The following PLCB1 variants were observed in gnomAD, a reference collection of about 807,000 sequenced individuals.
PLCB1 encodes the protein 1-phosphatidylinositol 4,5-bisphosphate phosphodiesterase beta-1.
Under a neutral mutation model 161.8 loss-of-function variants are expected in PLCB1, and 46 were observed. That is an observed-to-expected ratio of 0.28 (90% confidence interval 0.22 to 0.36). PLCB1 has a LOEUF of 0.36. Ranked by LOEUF, PLCB1 falls within the 10% of genes least tolerant of loss-of-function variation. The probability of loss-of-function intolerance (pLI) is 1.00; values close to 1 mark genes in which losing one functional copy is unlikely to be tolerated. For missense variants in PLCB1, 1,016 were observed against 1,472.5 expected (o/e 0.69, Z 5.07); for synonymous variants, 517 against 503.7 (o/e 1.03, Z -0.35).
At chr20:8,368,423 G>A (rs1986787965) in intron 2 of PLCB1, among the ~76,000 whole-genome samples, 1 of 150,934 alleles carries the variant, frequency 6.6e-6, no homozygotes, top group South Asian at 2.1e-4. Context: ...AGCTACTCGA[G>A]GGCTGAGGCA....
At chr20:8,582,986 C>T (rs1986880369) in intron 3 of PLCB1, among the ~76,000 whole-genome samples, 1 of 100,960 alleles carries the variant, frequency 9.9e-6, no homozygotes, top group Non-Finnish European at 1.8e-5. Flanking sequence ...GAGACTCCAT[C>T]TCAAAAAAAA....
chr20:8,635,337 T>A (rs6140659), intron 4 of PLCB1, among the ~76,000 whole-genome samples: 5,269 of 152,202 alleles, frequency 0.035, 177 homozygotes, highest in East Asian at 0.16. Context: ...GCTTTTGAAC[T>A]CTTGAAAATA....
chr20:8,486,991 A>G (rs1009010952), intron 3 of PLCB1, among the ~76,000 whole-genome samples: 9 of 152,242 alleles, frequency 5.9e-5, no homozygotes, highest in African/African-American at 1.9e-4. Flanking sequence ...CACCATAGAA[A>G]TGAACGTGAT....
intron 2 of PLCB1, among the ~76,000 whole-genome samples, chr20:8,204,829 T>C (rs1978442483): frequency 6.6e-6 from 1 of 152,204 alleles, no homozygotes; most frequent in South Asian, 2.1e-4. Context: ...ATTCAACAAA[T>C]ATTTATAAAT....
chr20:8,534,596 G>A (rs6140633), intron 3 of PLCB1, among the ~76,000 whole-genome samples: 12,790 of 152,150 alleles, frequency 0.084, 783 homozygotes, highest in East Asian at 0.21. Context: ...CAACGGGGGC[G>A]TTGCTTCCAG....
At chr20:8,675,233 C>G (rs1193334262) in intron 9 of PLCB1, among the ~76,000 whole-genome samples, 3 of 152,206 alleles carry the variant, frequency 2.0e-5, no homozygotes, top group East Asian at 1.9e-4. Context: ...TTGCACGCAC[C>G]ACCGCACCTG....
At chr20:8,419,800 T>C (rs1222702847) in intron 3 of PLCB1, among the ~76,000 whole-genome samples, 1 of 152,228 alleles carries the variant, frequency 6.6e-6, no homozygotes, top group Non-Finnish European at 1.5e-5. Flanking sequence ...TGGAACCAGC[T>C]GTTCAAAAGC....
intron 3 of PLCB1, among the ~76,000 whole-genome samples, chr20:8,422,585 C>T (rs558257830): frequency 1.3e-5 from 2 of 152,266 alleles, no homozygotes; most frequent in South Asian, 2.1e-4. Context: ...TCAATAAAAA[C>T]GTATAACGTT....
At chr20:8,312,322 A>C (rs973575633) in intron 2 of PLCB1, among the ~76,000 whole-genome samples, 1 of 152,050 alleles carries the variant, frequency 6.6e-6, no homozygotes, top group Non-Finnish European at 1.5e-5. Context: ...CACAGTTAGG[A>C]ATGACTCCAT....
intron 2 of PLCB1, among the ~76,000 whole-genome samples, chr20:8,340,475 T>C (rs903690884): frequency 9.9e-5 from 15 of 152,124 alleles, no homozygotes; most frequent in African/African-American, 3.4e-4. Context: ...CAGGCTGGAG[T>C]GCAGTGGCGC....
chr20:8,193,423 G>T (rs2123112358), intron 2 of PLCB1, among the ~76,000 whole-genome samples: 1 of 151,948 alleles, frequency 6.6e-6, no homozygotes, highest in African/African-American at 2.4e-5. Context: ...AAAAAAAGGA[G>T]AAGAAAAAGA....
At chr20:8,743,193 A>G (rs2123525520) in intron 23 of PLCB1, among the ~76,000 whole-genome samples, 1 of 152,266 alleles carries the variant, frequency 6.6e-6, no homozygotes, top group East Asian at 1.9e-4. Context: ...ACTGTTATAT[A>G]TGGCTTTCAT....
intron 3 of PLCB1, among the ~76,000 whole-genome samples, chr20:8,458,397 C>T (rs1051301759): frequency 1.3e-5 from 2 of 152,150 alleles, no homozygotes; most frequent in African/African-American, 4.8e-5. Context: ...ATCATTCCCT[C>T]CTCATCCATC....
At chr20:8,276,962 C>CTTA (rs1489957895) in intron 2 of PLCB1, among the ~76,000 whole-genome samples, 4 of 125,470 alleles carry the variant, frequency 3.2e-5, no homozygotes, top group South Asian at 2.7e-4. Context: ...TCTTCTTCTT[C>CTTA]TTCTTCTTCT....
At chr20:8,676,677 G>A (rs115147685) in intron 9 of PLCB1, among the ~76,000 whole-genome samples, 4 of 128,600 alleles carry the variant, frequency 3.1e-5, no homozygotes, top group African/African-American at 1.3e-4. Context: ...TCCCTCTGCA[G>A]TGATGCCTTA....
chr20:8,363,557 C>T (rs763448287), intron 2 of PLCB1, among the ~76,000 whole-genome samples: 1 of 152,106 alleles, frequency 6.6e-6, no homozygotes, highest in South Asian at 2.1e-4. Context: ...TGATTGGGAA[C>T]CTTAATTACA....
rs77175963 is a variant in PLCB1 at position 8,522,699 on chromosome 20, G to A, written c.247-105595G>A. Among the ~76,000 whole-genome samples the A allele has an allele frequency of 9.4e-3, 1,435 of 152,244 alleles. 35 individuals are homozygous for A. The highest frequency in any genetic ancestry group is 0.033 in the African/African-American group (1,380 of 41,522). ...ATAGTCTTAATTACAATAAGTATAC[G>A]AAGCTTGCATTAGTCTTAATTACAA... On this transcript the variant is annotated intron_variant, in intron 3 of 31. Coordinates refer to ENST00000338037, the MANE Select transcript of PLCB1 (RefSeq NM_015192.4).
intron 3 of PLCB1, among the ~76,000 whole-genome samples, chr20:8,527,487 T>C (rs1008486386): frequency 1.3e-5 from 2 of 152,154 alleles, no homozygotes; most frequent in African/African-American, 4.8e-5. Flanking sequence ...GTAAGAATGT[T>C]GGTTGCCCAG....
At chr20:8,861,722 C>A in intron 31 of PLCB1, among the ~76,000 whole-genome samples, 1 of 100,450 alleles carries the variant, frequency 1.0e-5, no homozygotes, top group African/African-American at 4.4e-5. Flanking sequence ...GAGTGAGACT[C>A]TACCTCAAAA....
Sources: allele counts gnomAD v4.1 joint callset (sites outside exome capture counted in the v4.1 genomes callset), GRCh38; gene constraint gnomAD v4.1.1; transcripts MANE v1.5; gene names NCBI Gene and HGNC (gene_info 2026-07-23, HGNC 2026-07-21).